The following PECAM1 variants were observed in gnomAD, a reference collection of about 807,000 sequenced individuals.
The protein encoded by PECAM1 is platelet endothelial cell adhesion molecule.
In PECAM1, 8 loss-of-function variants were observed where a neutral mutation model predicts 13.8. That is an observed-to-expected ratio of 0.58 (90% CI 0.34 to 1.05). The LOEUF (loss-of-function observed/expected upper bound fraction) is 1.05. Among genes scored for constraint, PECAM1 ranks in the 50% least tolerant of loss-of-function variants. PECAM1 has a pLI of 0.03. For synonymous variants in PECAM1, 136 were observed against 52.6 expected, an observed-to-expected ratio of 2.58 and a Z score of -6.86; for missense variants, 304 against 141.2, an observed-to-expected ratio of 2.15 and a Z score of -5.84.
At chr17:64,386,265 C>A (rs2036590872) in intron 2 of PECAM1, among the ~76,000 whole-genome samples, 1 of 151,792 alleles carries the variant, frequency 6.6e-6, no homozygotes, top group African/African-American at 2.4e-5. Flanking sequence ...ATTAGCCGGG[C>A]ATGGTGGTTC....
At chr17:64,386,289 C>T (rs2036591651) in intron 2 of PECAM1, among the ~76,000 whole-genome samples, 1 of 151,464 alleles carries the variant, frequency 6.6e-6, no homozygotes, top group Non-Finnish European at 1.5e-5. Context: ...CCTGTAATTG[C>T]AGCTACTCAG....
rs923297821 is a variant in PECAM1 at position 64,370,044 on chromosome 17, A to T, written c.692-19T>A. 1 of 398,598 alleles carries T rather than the reference A, an allele frequency of 2.5e-6. No individual in the cohort carries two copies. The highest frequency in any genetic ancestry group is 4.4e-6 in the Non-Finnish European group (1 of 226,086). The allele number at this position is 398,598 out of a possible 1,614,324, so 24.7% of individuals were successfully genotyped here. ...AAGGATTCTGCAAGAGAGGAAGACA[A>T]CCTGGTTGGACTCAGGTGCAAACCT... On this transcript the variant is annotated intron_variant, in intron 4 of 15. Coordinates refer to ENST00000563924, the MANE Select transcript of PECAM1 (RefSeq NM_000442.5).
In PECAM1 at chr17:64,375,376, C is replaced by A; in HGVS notation, c.386-20G>T. On this transcript the variant is annotated intron_variant, in intron 3 of 15. Coordinates refer to ENST00000563924, the MANE Select transcript of PECAM1 (RefSeq NM_000442.5). ...GCACTCCTACGGGGAAAGAGAAAGT[C>A]TGTCAGTATCAGCCTGATTGAAGAG... The A allele has an allele frequency of 2.2e-6, 1 of 454,444 alleles. No homozygotes were observed. Among genetic ancestry groups the A allele is most frequent in the Non-Finnish European group, 4.0e-6 (1 of 250,208 alleles). The allele number at this position is 454,444 out of a possible 1,614,324, so 28.2% of individuals were successfully genotyped here.
At chr17:64,373,025 T>C (rs1474380920) in intron 4 of PECAM1, among the ~76,000 whole-genome samples, 2 of 151,390 alleles carry the variant, frequency 1.3e-5, no homozygotes, top group Non-Finnish European at 2.9e-5. Flanking sequence ...GGCAGGAGAA[T>C]CGCTTGAACC....
intron 13 of PECAM1, among the ~76,000 whole-genome samples, chr17:64,343,156 G>A (rs1479902664): frequency 6.6e-6 from 1 of 152,100 alleles, no homozygotes; most frequent in African/African-American, 2.4e-5. Flanking sequence ...CTGTGCCATG[G>A]TCAGTGCATT....
intron 4 of PECAM1, among the ~76,000 whole-genome samples, chr17:64,374,148 C>T (rs1053748290): frequency 2.0e-4 from 30 of 152,340 alleles, no homozygotes; most frequent in Middle Eastern, 3.4e-3. Context: ...GGCTTCCAAA[C>T]TACAGATCAC....
chr17:64,322,109 C>A lies in PECAM1; in HGVS notation c.*1707G>T. ...TCTAGGCTGGGCATGGTGGCTCACG[C>A]CTGCAATCCCAACCCAAAGGCCTGT... On this transcript the variant is annotated 3_prime_UTR_variant, in exon 16 of 16. Coordinates refer to ENST00000563924, the MANE Select transcript of PECAM1 (RefSeq NM_000442.5). The A allele has an allele frequency of 4.6e-6, 5 of 1,095,072 alleles. No homozygotes were observed. Among genetic ancestry groups the A allele is most frequent in the Non-Finnish European group, 5.7e-6 (5 of 884,764 alleles). 67.8% of individuals were successfully genotyped at this position (1,095,072 alleles called of 1,614,324 possible). A position where few individuals can be genotyped will look rare whatever the true frequency, so the allele number is the denominator to read the frequency against.
chr17:64,363,747 A>T (rs1373508709), intron 5 of PECAM1, among the ~76,000 whole-genome samples: 1 of 152,080 alleles, frequency 6.6e-6, no homozygotes, highest in Non-Finnish European at 1.5e-5. Context: ...AGGAGTTGAG[A>T]CCAGCCTGGG....
At position 64,321,937 on chromosome 17, in the gene PECAM1, A is replaced by C; in HGVS notation, c.*1879T>G. 2 of 1,321,712 alleles carry C rather than the reference A, an allele frequency of 1.5e-6. No homozygotes were observed. The highest frequency in any genetic ancestry group is 1.0e-6 in the Non-Finnish European group (1 of 997,758). 81.9% of individuals were successfully genotyped at this position (1,321,712 alleles called of 1,614,324 possible). On this transcript the variant is annotated 3_prime_UTR_variant, in exon 16 of 16. Coordinates refer to ENST00000563924, the MANE Select transcript of PECAM1 (RefSeq NM_000442.5). The stretch of plus-strand genomic sequence containing the variant: ...CCCCAGATCATCAACAGAGACATGA[A>C]GGTCGTTAGAGGTCGTCTGATCCTT...
At chr17:64,332,413 T>A (rs1555646943) in intron 14 of PECAM1, among the ~76,000 whole-genome samples, 1 of 152,190 alleles carries the variant, frequency 6.6e-6, no homozygotes, top group East Asian at 1.9e-4. Flanking sequence ...TAAAGCAATC[T>A]GAAGACAAAA....
chr17:64,325,863 G>A (rs1434792643), intron 15 of PECAM1, among the ~76,000 whole-genome samples: 1 of 152,194 alleles, frequency 6.6e-6, no homozygotes, highest in Non-Finnish European at 1.5e-5. Context: ...CCACCTATCA[G>A]TGCCTGGACC....
intron 13 of PECAM1, among the ~76,000 whole-genome samples, chr17:64,346,252 T>C (rs1232350409): frequency 6.6e-6 from 1 of 151,546 alleles, no homozygotes; most frequent in Non-Finnish European, 1.5e-5. Flanking sequence ...ACTGTTTCCT[T>C]TGAGCATGCA....
intron 14 of PECAM1, among the ~76,000 whole-genome samples, chr17:64,340,745 A>G (rs2143728624): frequency 6.6e-6 from 1 of 152,236 alleles, no homozygotes; most frequent in East Asian, 1.9e-4. Context: ...CAGCCGAACC[A>G]AAGGAAATAG....
chr17:64,386,154 C>T (rs1407376017), intron 2 of PECAM1, among the ~76,000 whole-genome samples: 3 of 152,124 alleles, frequency 2.0e-5, no homozygotes, highest in African/African-American at 7.2e-5. Context: ...GAATGAATCC[C>T]AGCACTTCGG....
intron 2 of PECAM1, among the ~76,000 whole-genome samples, chr17:64,387,898 G>A (rs2036632502): frequency 6.6e-6 from 1 of 152,172 alleles, no homozygotes; most frequent in East Asian, 1.9e-4. Context: ...GAGACTCAGA[G>A]CAAGCCTGCA....
At chr17:64,338,470 C>T (rs1198133928) in intron 14 of PECAM1, among the ~76,000 whole-genome samples, 1 of 151,874 alleles carries the variant, frequency 6.6e-6, no homozygotes, top group Non-Finnish European at 1.5e-5. Context: ...CAGTTTGCCA[C>T]TCTGGGAAGC....
At chr17:64,370,118 C>T in intron 4 of PECAM1, 93 bp from the exon 5 acceptor site, 1 of 398,016 alleles carries the variant, frequency 2.5e-6, no homozygotes, top group Non-Finnish European at 4.4e-6. Flanking sequence ...CCTTTTCAAA[C>T]TTCTATTGTT....
In PECAM1 at chr17:64,352,390, C is replaced by T; in HGVS notation, c.1990G>A (p.Gly664Ser). The change falls in exon 11 of 16, where the codon GGT becomes AGT. Residue 664 changes from glycine to serine, a missense_variant and splice_region_variant. Transcript: ENST00000563924. ...AAATGGCAGGAGAACATGACTTTACCGTAATGACTGTTAGCTTCCATATTG... is the reference window on the plus strand; with the variant it reads ...AAATGGCAGGAGAACATGACTTTACTGTAATGACTGTTAGCTTCCATATTG... ...DPNMEANSHY[G>S]HNDDVRNHAM... is the part of the protein sequence containing the mutation. 4.2e-6 allele frequency: 2 copies of T among 475,002 alleles called. No homozygotes were observed. The highest frequency in any genetic ancestry group is 7.7e-6 in the Non-Finnish European group (2 of 258,928). 29.4% of individuals were successfully genotyped at this position (475,002 alleles called of 1,614,324 possible).
intron 5 of PECAM1, among the ~76,000 whole-genome samples, chr17:64,364,684 T>G (rs1404536821): frequency 6.7e-6 from 1 of 150,276 alleles, no homozygotes; most frequent in Non-Finnish European, 1.5e-5. Flanking sequence ...AATCAATAAA[T>G]GTAATCCAGC....
Sources: gnomAD v4.1 joint callset for allele counts (sites outside exome capture counted in the v4.1 genomes callset) on GRCh38, gnomAD v4.1.1 for gene constraint, MANE v1.5 for transcripts, NCBI Gene and HGNC (gene_info 2026-07-23, HGNC 2026-07-21) for gene names.